SOX5: variants seen among roughly 807,000 people sequenced by gnomAD.
SOX5 encodes SRY-box transcription factor 5, also known as transcription factor SOX-5.
SOX5 carries 9 observed loss-of-function variants against 92.0 expected under a neutral mutation model. The observed-to-expected ratio is 0.10, with a 90% CI of 0.06 to 0.17. The LOEUF (loss-of-function observed/expected upper bound fraction) is 0.17, where lower values mean the gene tolerates loss of function less well. Ranked by LOEUF, SOX5 falls within the 10% of genes least tolerant of loss-of-function variation. The pLI is 1.00. For synonymous variants in SOX5, 344 were observed against 336.3 expected (o/e 1.02, Z -0.25); for missense variants, 642 against 944.5 (o/e 0.68, Z 4.20).
intron 4 of SOX5, among the ~76,000 whole-genome samples, chr12:24,037,349 T>C (rs754771926): frequency 6.6e-6 from 1 of 152,190 alleles, no homozygotes; most frequent in Non-Finnish European, 1.5e-5. Flanking sequence ...CTTGGTATTG[T>C]CATTGAGAGC....
At chr12:24,550,752 C>T (rs1953074470) in intron 1 of SOX5, among the ~76,000 whole-genome samples, 1 of 152,208 alleles carries the variant, frequency 6.6e-6, no homozygotes, top group African/African-American at 2.4e-5. Flanking sequence ...ATAGATTTCA[C>T]AGAGTATCAC....
intron 2 of SOX5, among the ~76,000 whole-genome samples, chr12:24,364,501 AACATTTTTTCATATATATATATATATAT>A (rs1408963268): frequency 9.4e-6 from 1 of 106,878 alleles, no homozygotes; most frequent in Non-Finnish European, 1.8e-5. Flanking sequence ...TGAACAACTT[AACATTTTTTCATATATATATATATATAT>A]ATATATATAT....
intron 1 of SOX5, among the ~76,000 whole-genome samples, chr12:24,390,323 T>C (rs759245426): frequency 3.0e-4 from 46 of 152,220 alleles, no homozygotes; most frequent in Non-Finnish European, 5.9e-4. Context: ...CACCTCTTGC[T>C]TGAGCAGCTA....
chr12:23,794,099 G>T (rs7315563), intron 3 of SOX5, among the ~76,000 whole-genome samples: 71,964 of 151,766 alleles, frequency 0.47, 17,331 homozygotes, highest in East Asian at 0.82. Flanking sequence ...AACCAGAGAG[G>T]AAAAATATTT....
intron 1 of SOX5, among the ~76,000 whole-genome samples, chr12:24,501,056 G>C (rs1947259285): frequency 6.6e-6 from 1 of 152,148 alleles, no homozygotes; most frequent in Admixed American, 6.5e-5. Flanking sequence ...CCCACTGCAT[G>C]ATCTGATTGA....
At chr12:24,181,894 G>A (rs192713683) in intron 4 of SOX5, among the ~76,000 whole-genome samples, 15 of 152,232 alleles carry the variant, frequency 9.9e-5, no homozygotes, top group Admixed American at 9.8e-4. Flanking sequence ...ATATGGTCTA[G>A]ATTTTTCAAA....
chr12:23,940,023 T>C (rs1830217381), intron 1 of SOX5, among the ~76,000 whole-genome samples: 2 of 151,188 alleles, frequency 1.3e-5, no homozygotes. Flanking sequence ...GCTGTACTCA[T>C]GCTCTCCTGC....
At chr12:23,615,722 GCAC>G (rs753003052) in intron 8 of SOX5, among the ~76,000 whole-genome samples, 7 of 152,020 alleles carry the variant, frequency 4.6e-5, no homozygotes, top group African/African-American at 7.3e-5. Context: ...TGGTGTATAT[GCAC>G]CACATTTATC....
At chr12:24,001,107 T>A (rs192409913) in intron 4 of SOX5, among the ~76,000 whole-genome samples, 1 of 152,148 alleles carries the variant, frequency 6.6e-6, no homozygotes, top group African/African-American at 2.4e-5. Context: ...TTTAAAAAAA[T>A]TGAGACAGGG....
intron 4 of SOX5, among the ~76,000 whole-genome samples, chr12:24,162,675 G>A (rs1952895544): frequency 6.6e-6 from 1 of 152,072 alleles, no homozygotes; most frequent in Admixed American, 6.6e-5. Context: ...AACAAACTAT[G>A]GCTAACTTGG....
intron 3 of SOX5, among the ~76,000 whole-genome samples, chr12:23,808,128 TA>T (rs1594657396): frequency 3.9e-5 from 6 of 151,990 alleles, no homozygotes; most frequent in Non-Finnish European, 8.8e-5. Flanking sequence ...TATATATATA[TA>T]TATTTTTATA....
intron 3 of SOX5, among the ~76,000 whole-genome samples, chr12:24,215,983 G>A (rs1426157485): frequency 6.6e-6 from 1 of 152,176 alleles, no homozygotes; most frequent in Non-Finnish European, 1.5e-5. Context: ...TGATAAGGTT[G>A]CCCAGACAAG....
intron 4 of SOX5, among the ~76,000 whole-genome samples, chr12:23,746,160 C>A (rs1461768931): frequency 6.6e-6 from 1 of 152,152 alleles, no homozygotes; most frequent in Non-Finnish European, 1.5e-5. Flanking sequence ...TTATCACATT[C>A]TTCATGATCA....
At chr12:23,664,908 A>C (rs10771016) in intron 7 of SOX5, among the ~76,000 whole-genome samples, 21 of 151,948 alleles carry the variant, frequency 1.4e-4, no homozygotes, top group African/African-American at 5.1e-4. Context: ...ACCTAACTTA[A>C]GTCAAGTCAG....
rs1472298385 is a variant in SOX5, at chr12:24,482,741, T to A, written c.-251+79588A>T. On this transcript the variant is annotated intron_variant, in intron 1 of 4. Coordinates refer to the SOX5 transcript ENST00000446891. ...ACTTTTAATTTGTGTAGAATGTGCTTTTAAAGGACTACATAGAGCAAAGAA... is the reference window on the plus strand; with the variant it reads ...ACTTTTAATTTGTGTAGAATGTGCTATTAAAGGACTACATAGAGCAAAGAA... 2.0e-5 allele frequency among the ~76,000 whole-genome samples: 3 copies of A among 152,332 alleles called. No individual in the cohort carries two copies. The South Asian group carries it at 6.2e-4, about 32-fold the overall frequency.
intron 4 of SOX5, among the ~76,000 whole-genome samples, chr12:24,116,499 G>A (rs1948015002): frequency 6.6e-6 from 1 of 152,078 alleles, no homozygotes; most frequent in African/African-American, 2.4e-5. Flanking sequence ...CCTTCCCGGA[G>A]TAGTCTCAGT....
chr12:24,329,081 T>G (rs978399841), intron 2 of SOX5, among the ~76,000 whole-genome samples: 3 of 152,218 alleles, frequency 2.0e-5, no homozygotes, highest in Non-Finnish European at 4.4e-5. Flanking sequence ...CATGTGCTTA[T>G]AGGTCATATA....
chr12:24,497,923 T>TC (rs1299450723), intron 1 of SOX5, among the ~76,000 whole-genome samples: 1 of 152,100 alleles, frequency 6.6e-6, no homozygotes, highest in Non-Finnish European at 1.5e-5. Context: ...CTGGAGGCCA[T>TC]TATCTTCAGC....
intron 2 of SOX5, among the ~76,000 whole-genome samples, chr12:23,892,968 C>T (rs1024799799): frequency 1.3e-5 from 2 of 152,148 alleles, no homozygotes; most frequent in Non-Finnish European, 2.9e-5. Context: ...ATGATTGTGC[C>T]ACTGCATTAC....
Sources: allele counts gnomAD v4.1 joint callset (sites outside exome capture counted in the v4.1 genomes callset), GRCh38; gene constraint gnomAD v4.1.1; transcripts MANE v1.5; gene names NCBI Gene and HGNC (gene_info 2026-07-23, HGNC 2026-07-21).